Variants in RALGAPA1 observed in about 807,000 individuals in gnomAD.
RALGAPA1 encodes the protein Ral GTPase activating protein catalytic subunit alpha 1, also known as ral GTPase-activating protein subunit alpha-1.
Under a neutral mutation model 269.6 loss-of-function variants are expected in RALGAPA1, and 52 were observed. The ratio of observed to expected loss-of-function variants is 0.19; its 90% CI spans 0.15 to 0.24. The LOEUF is 0.24. Ranked by LOEUF, RALGAPA1 falls within the 10% of genes least tolerant of loss-of-function variation. The pLI is 1.00. For synonymous variants in RALGAPA1, 817 were observed against 1,008.3 expected, an observed-to-expected ratio of 0.81 and a Z score of 3.60; for missense variants, 1,917 against 3,013.9, an observed-to-expected ratio of 0.64 and a Z score of 8.52.
At chr14:35,806,520 G>A (rs1031349058) in intron 1 of RALGAPA1, among the ~76,000 whole-genome samples, 3 of 152,066 alleles carry the variant, frequency 2.0e-5, no homozygotes, top group African/African-American at 7.2e-5. Flanking sequence ...AATTTAACTT[G>A]GATTGTCCTA....
At chr14:35,599,885 G>A (rs745539631) in intron 36 of RALGAPA1, among the ~76,000 whole-genome samples, 1 of 152,056 alleles carries the variant, frequency 6.6e-6, no homozygotes, top group African/African-American at 2.4e-5. Flanking sequence ...CACAGATAAG[G>A]TACACTTTTT....
intron 7 of RALGAPA1, among the ~76,000 whole-genome samples, chr14:35,754,155 A>C (rs1242696605): frequency 1.3e-5 from 2 of 152,178 alleles, no homozygotes; most frequent in Admixed American, 6.6e-5. Context: ...TTCAAGAACA[A>C]AACGTAGGAG....
chr14:35,768,059 G>A (rs1299184236), intron 4 of RALGAPA1, among the ~76,000 whole-genome samples: 3 of 150,964 alleles, frequency 2.0e-5, no homozygotes, highest in Non-Finnish European at 4.4e-5. Flanking sequence ...ATAGGCATGA[G>A]CCACCACATC....
intron 37 of RALGAPA1, among the ~76,000 whole-genome samples, chr14:35,594,313 C>T (rs958481859): frequency 1.3e-5 from 2 of 152,042 alleles, no homozygotes; most frequent in African/African-American, 4.8e-5. Context: ...ACAAAGGTAA[C>T]AGTCAACAAA....
chr14:35,723,366 T>C (rs1270923771), intron 14 of RALGAPA1, 102 bp from the exon 15 acceptor site: 2 of 629,648 alleles, frequency 3.2e-6, no homozygotes, highest in Non-Finnish European at 5.5e-6. Context: ...ACAAGCAACA[T>C]TTAAAATCGC....
intron 40 of RALGAPA1, 32 bp from the exon 41 acceptor site, chr14:35,548,570 A>C (rs748045867): frequency 6.8e-7 from 1 of 1,464,288 alleles, no homozygotes; most frequent in South Asian, 1.2e-5. Context: ...AACAATCATA[A>C]GGAGAGCAAG....
chr14:35,668,931 A>T (rs2064174303), intron 26 of RALGAPA1, among the ~76,000 whole-genome samples: 1 of 152,130 alleles, frequency 6.6e-6, no homozygotes, highest in Admixed American at 6.5e-5. Flanking sequence ...TTTGCCTATT[A>T]CACTCTTACA....
At chr14:35,627,049 G>GAAAAAAA in intron 34 of RALGAPA1, 41 bp downstream of exon 34, 1 of 1,130,104 alleles carries the variant, frequency 8.8e-7, no homozygotes, top group East Asian at 2.9e-5. Flanking sequence ...GAATAAGACC[G>GAAAAAAA]AAAAAAAAAA....
chr14:35,742,690 C>A, intron 10 of RALGAPA1, 125 bp from the exon 11 acceptor site: 3 of 659,072 alleles, frequency 4.6e-6, no homozygotes, highest in East Asian at 2.9e-5. Flanking sequence ...AAAACAATGA[C>A]ATAAAACAAA....
chr14:35,570,573 A>G (rs2057105752), intron 39 of RALGAPA1, 44 bp downstream of exon 39: 5 of 1,477,336 alleles, frequency 3.4e-6, no homozygotes, highest in Middle Eastern at 2.5e-4. Flanking sequence ...CTTTGTGAGT[A>G]GACATACGTT....
intron 11 of RALGAPA1, among the ~76,000 whole-genome samples, chr14:35,740,471 G>T (rs1444964316): frequency 6.6e-6 from 1 of 152,158 alleles, no homozygotes; most frequent in African/African-American, 2.4e-5. Context: ...CTTGTATTCT[G>T]TATGTCTTTC....
At chr14:35,634,152 T>G (rs1460073593) in intron 33 of RALGAPA1, among the ~76,000 whole-genome samples, 2 of 152,164 alleles carry the variant, frequency 1.3e-5, no homozygotes, top group Non-Finnish European at 2.9e-5. Context: ...CAGAAGTACA[T>G]GTTGAGTATC....
chr14:35,794,878 GAACCCATA>G (rs2076448542), intron 1 of RALGAPA1, among the ~76,000 whole-genome samples: 2 of 152,084 alleles, frequency 1.3e-5, no homozygotes, highest in South Asian at 4.2e-4. Context: ...ATTTCTTTGT[GAACCCATA>G]AATACATTCA....
chr14:35,743,435 A>C (rs371176708), intron 10 of RALGAPA1, among the ~76,000 whole-genome samples: 1 of 152,334 alleles, frequency 6.6e-6, no homozygotes, highest in East Asian at 1.9e-4. Flanking sequence ...TGCTTCCTGA[A>C]ATAATTGAGC....
chr14:35,615,538 T>C (rs929630178), intron 35 of RALGAPA1, among the ~76,000 whole-genome samples: 1 of 152,212 alleles, frequency 6.6e-6, no homozygotes, highest in African/African-American at 2.4e-5. Context: ...AATTCTTACT[T>C]GAGCTCATTG....
intron 37 of RALGAPA1, among the ~76,000 whole-genome samples, chr14:35,588,104 A>C (rs2058418424): frequency 6.6e-6 from 1 of 152,064 alleles, no homozygotes; most frequent in Non-Finnish European, 1.5e-5. Context: ...ACGGGGTTTC[A>C]CCATGTTGGC....
chr14:35,724,178 T>TG (rs1231868728), intron 14 of RALGAPA1, among the ~76,000 whole-genome samples: 1 of 152,110 alleles, frequency 6.6e-6, no homozygotes, highest in Non-Finnish European at 1.5e-5. Flanking sequence ...GCTCTAACAA[T>TG]GGAGAAACCT....
In RALGAPA1 at chr14:35,716,129, C is replaced by T. The variant is rs1441067950; in HGVS notation, c.2266+5559G>A. ...TAAAAGATGGTGAGGCATGGTGGCT[C>T]ATGCCTATAATCCCAGCACTTTGGG... is the stretch of plus-strand genomic sequence containing the variant. On this transcript the variant is annotated intron_variant, in intron 16 of 41. Coordinates refer to ENST00000680220, the MANE Select transcript of RALGAPA1 (RefSeq NM_001346249.2). 4.1e-6 allele frequency: 4 copies of T among 980,632 alleles called. No homozygotes were observed. In the African/African-American group the frequency reaches 5.3e-5, roughly 13 times the overall value. The allele number at this position is 980,632 out of a possible 1,614,324, so 60.7% of individuals were successfully genotyped here.
At chr14:35,754,703 A>T (rs1243951762) in intron 7 of RALGAPA1, among the ~76,000 whole-genome samples, 2 of 152,198 alleles carry the variant, frequency 1.3e-5, no homozygotes, top group Non-Finnish European at 2.9e-5. Context: ...TGACCCAGCC[A>T]TTCTACTGTT....
Sources: allele counts gnomAD v4.1 joint callset (sites outside exome capture counted in the v4.1 genomes callset), GRCh38; gene constraint gnomAD v4.1.1; transcripts MANE v1.5; gene names NCBI Gene and HGNC (gene_info 2026-07-23, HGNC 2026-07-21).